EXTL3: variants seen among roughly 807,000 people sequenced by gnomAD.
The protein encoded by EXTL3 is exostosin like glycosyltransferase 3.
A neutral mutation model predicts 69.3 loss-of-function variants in EXTL3; 27 were observed. That is an observed-to-expected ratio of 0.39 (90% CI 0.29 to 0.54). The LOEUF (loss-of-function observed/expected upper bound fraction) is 0.54. Among genes scored for constraint, EXTL3 ranks in the 20% least tolerant of loss-of-function variants. The probability of loss-of-function intolerance (pLI) is 0.69; values close to 1 mark genes in which losing one functional copy is unlikely to be tolerated. For synonymous variants in EXTL3, 511 were observed against 499.4 expected (o/e 1.02, Z -0.31); for missense variants, 1,003 against 1,231.8 (o/e 0.81, Z 2.78).
At position 28,716,210 on chromosome 8, in the gene EXTL3, C is replaced by T; in HGVS notation, c.151C>T (p.Leu51Phe). The change falls in exon 3 of 7, where the codon CTC (leucine) becomes TTC (phenylalanine). Residue 51 changes from leucine (L) to phenylalanine (F), a missense_variant. Physicochemically the swap from Leu to Phe is conservative, Grantham distance 22. Coordinates refer to ENST00000220562, the MANE Select transcript of EXTL3 (RefSeq NM_001440.4). The surrounding 1 kb of genome is among the most constrained non-coding windows in gnomAD (Gnocchi z 7.1). Reference sequence around the variant, plus strand: ...CTTCCCGCTCATCGCCCACTATTACCTCACCACTCTGGATGAGGCTGATGA... The same window carrying T: ...CTTCCCGCTCATCGCCCACTATTACTTCACCACTCTGGATGAGGCTGATGA... Reference protein sequence around the residue: ...VFFPLIAHYYLTTLDEADEAG... With the variant: ...VFFPLIAHYYFTTLDEADEAG... 1 of 1,614,210 alleles carries T rather than the reference C, an allele frequency of 6.2e-7. No homozygotes were observed. The highest frequency in any genetic ancestry group is 8.5e-7 in the Non-Finnish European group (1 of 1,180,044).
At chr8:28,660,635 C>G (rs1807093006) in intron 1 of EXTL3, among the ~76,000 whole-genome samples, 1 of 152,108 alleles carries the variant, frequency 6.6e-6, no homozygotes, top group Admixed American at 6.6e-5. Context: ...ACCATCACCA[C>G]TATCCTTCTC....
chr8:28,624,660 T>C (rs1035950187), intron 1 of EXTL3, among the ~76,000 whole-genome samples: 2 of 152,178 alleles, frequency 1.3e-5, no homozygotes, highest in African/African-American at 4.8e-5. Flanking sequence ...GATTACCATT[T>C]TGACTTCCCT....
intron 1 of EXTL3, among the ~76,000 whole-genome samples, chr8:28,657,184 C>T (rs1807025181): frequency 6.6e-6 from 1 of 152,146 alleles, no homozygotes; most frequent in Admixed American, 6.6e-5. Context: ...CTCAGGTGAT[C>T]CACCTGCCTC....
chr8:28,729,447 A>AG (rs1801486338), intron 3 of EXTL3, among the ~76,000 whole-genome samples: 1 of 147,938 alleles, frequency 6.8e-6, no homozygotes, highest in African/African-American at 2.5e-5. Context: ...ATGCAAAAAA[A>AG]TAGCCAGGCG....
chr8:28,655,096 T>C (rs1806984675), intron 1 of EXTL3, among the ~76,000 whole-genome samples: 1 of 151,872 alleles, frequency 6.6e-6, no homozygotes, highest in African/African-American at 2.4e-5. Context: ...ATATATTGAA[T>C]ATTCTCTCAA....
At chr8:28,730,955 C>T (rs1019533266) in intron 3 of EXTL3, among the ~76,000 whole-genome samples, 6 of 152,078 alleles carry the variant, frequency 3.9e-5, no homozygotes, top group African/African-American at 1.4e-4. Context: ...GTGTTTATTG[C>T]GTGTATAAAA....
At chr8:28,695,610 G>T (rs954863780) in intron 1 of EXTL3, among the ~76,000 whole-genome samples, 1 of 152,212 alleles carries the variant, frequency 6.6e-6, no homozygotes, top group Admixed American at 6.5e-5. Flanking sequence ...CACATGCCCA[G>T]AAATTCTTTC....
intron 1 of EXTL3, among the ~76,000 whole-genome samples, chr8:28,659,261 T>G (rs1268137829): frequency 6.6e-6 from 1 of 152,144 alleles, no homozygotes; most frequent in African/African-American, 2.4e-5. Flanking sequence ...TTTTTCCATT[T>G]GGATGCTGTC....
intron 1 of EXTL3, among the ~76,000 whole-genome samples, chr8:28,687,743 A>T (rs1807601052): frequency 6.6e-6 from 1 of 152,196 alleles, no homozygotes; most frequent in Middle Eastern, 3.4e-3. Flanking sequence ...GATGGTGGAG[A>T]ATTAAGACTT....
chr8:28,642,477 G>T (rs1447163313), intron 1 of EXTL3, among the ~76,000 whole-genome samples: 5 of 151,534 alleles, frequency 3.3e-5, no homozygotes, highest in Admixed American at 6.6e-5. Context: ...TTAGGGCTAG[G>T]TGTGGTAGCT....
chr8:28,707,466 C>T (rs143699130), intron 1 of EXTL3, among the ~76,000 whole-genome samples: 1 of 152,338 alleles, frequency 6.6e-6, no homozygotes, highest in African/African-American at 2.4e-5. Context: ...TGAAAAAGCC[C>T]TCTCCTCCCC....
At chr8:28,726,548 CAG>C (rs1801416083) in intron 3 of EXTL3, among the ~76,000 whole-genome samples, 1 of 152,142 alleles carries the variant, frequency 6.6e-6, no homozygotes, top group Non-Finnish European at 1.5e-5. Context: ...GACTCTAAAT[CAG>C]GGTGTTTCAG....
intron 4 of EXTL3, among the ~76,000 whole-genome samples, chr8:28,737,239 A>C (rs1160795644): frequency 6.6e-6 from 1 of 152,198 alleles, no homozygotes; most frequent in Admixed American, 6.5e-5. Context: ...CCCATTCTGG[A>C]GATCCCCTTT....
At chr8:28,644,176 A>G (rs1298257887) in intron 1 of EXTL3, among the ~76,000 whole-genome samples, 1 of 151,774 alleles carries the variant, frequency 6.6e-6, no homozygotes, top group Non-Finnish European at 1.5e-5. Context: ...TTTGCTCAAT[A>G]TTATGTTTTT....
At chr8:28,642,142 A>G (rs1159727348) in intron 1 of EXTL3, among the ~76,000 whole-genome samples, 1 of 151,686 alleles carries the variant, frequency 6.6e-6, no homozygotes, top group Admixed American at 6.6e-5. Flanking sequence ...GCCTTTTTTA[A>G]TTTTTAATTA....
At chr8:28,635,504 A>G (rs1375819419) in intron 1 of EXTL3, among the ~76,000 whole-genome samples, 3 of 150,684 alleles carry the variant, frequency 2.0e-5, no homozygotes, top group South Asian at 4.2e-4. Context: ...GATCAAGATC[A>G]TCCTGGCTAA....
chr8:28,619,636 C>T (rs1292113677), upstream of EXTL3, among the ~76,000 whole-genome samples: 1 of 151,956 alleles, frequency 6.6e-6, no homozygotes, highest in Non-Finnish European at 1.5e-5. Context: ...GATACAGCTC[C>T]CTGCCGGCAG....
chr8:28,715,818 A>G lies in EXTL3; in HGVS notation c.-242A>G. 1 of 510,504 alleles carries G rather than the reference A, an allele frequency of 2.0e-6. No homozygotes were observed. Among genetic ancestry groups the G allele is most frequent in the Non-Finnish European group, 3.5e-6 (1 of 289,330 alleles). The allele number at this position is 510,504 out of a possible 1,614,324, so 31.6% of individuals were successfully genotyped here. A position where few individuals can be genotyped will look rare whatever the true frequency, so the allele number is the denominator to read the frequency against. On this transcript the variant is annotated 5_prime_UTR_variant, in exon 3 of 7. It adds an upstream start codon to the 5' untranslated region. Coordinates refer to ENST00000220562, the MANE Select transcript of EXTL3 (RefSeq NM_001440.4). ...AATGTGGCACCTTTTATCGTTTGAT[A>G]AAGATTAAGGACATGTTCTTTGGTC...
At chr8:28,714,469 A>G (rs1801098695) in intron 2 of EXTL3, among the ~76,000 whole-genome samples, 1 of 152,190 alleles carries the variant, frequency 6.6e-6, no homozygotes, top group South Asian at 2.1e-4. Context: ...TACTCATTTT[A>G]TGCTACGTGT....
Sources: gnomAD v4.1 joint callset for allele counts (sites outside exome capture counted in the v4.1 genomes callset) on GRCh38, gnomAD v4.1.1 for gene constraint, Gnocchi (gnomAD v3.1) non-coding constraint, MANE v1.5 for transcripts, NCBI Gene and HGNC (gene_info 2026-07-23, HGNC 2026-07-21) for gene names.